The following FOXP2 variants were observed in gnomAD, a reference collection of about 807,000 sequenced individuals.
FOXP2 encodes forkhead box protein P2.
Under a neutral mutation model 115.8 loss-of-function variants are expected in FOXP2, and 12 were observed. The ratio of observed to expected loss-of-function variants is 0.10; its 90% confidence interval spans 0.07 to 0.17. The LOEUF (loss-of-function observed/expected upper bound fraction) is 0.17. FOXP2 is among the 10% of genes least tolerant of loss of function. The pLI is 1.00. For missense variants in FOXP2, 629 were observed against 843.5 expected (o/e 0.75, Z 3.15); for synonymous variants, 328 against 297.7 (o/e 1.10, Z -1.05).
intron 1 of FOXP2, among the ~76,000 whole-genome samples, chr7:114,153,127 A>T (rs1792569868): frequency 6.6e-6 from 1 of 152,168 alleles, no homozygotes; most frequent in East Asian, 1.9e-4. Context: ...TTTGTGAATT[A>T]TTGTCTTGTT....
intron 3 of FOXP2, among the ~76,000 whole-genome samples, chr7:114,592,545 A>G (rs574366235): frequency 6.6e-6 from 1 of 152,064 alleles, no homozygotes; most frequent in South Asian, 2.1e-4. Flanking sequence ...TTTTCTTTAC[A>G]GATCTATTTT....
At chr7:114,472,855 G>T (rs769603610) in intron 2 of FOXP2, among the ~76,000 whole-genome samples, 1 of 152,068 alleles carries the variant, frequency 6.6e-6, no homozygotes, top group Non-Finnish European at 1.5e-5. Flanking sequence ...GTGTGGGTAG[G>T]TGTGCATGTC....
At chr7:114,678,547 C>CTTT (rs35525759) in intron 16 of FOXP2, among the ~76,000 whole-genome samples, 2,344 of 48,194 alleles carry the variant, frequency 0.049, 556 homozygotes, top group Non-Finnish European at 0.074. Context: ...ATAAGTGACT[C>CTTT]TTTTTTTTTT....
intron 2 of FOXP2, among the ~76,000 whole-genome samples, chr7:114,489,685 C>T (rs565347031): frequency 6.6e-6 from 1 of 152,080 alleles, no homozygotes; most frequent in South Asian, 2.1e-4. Flanking sequence ...GATAATAAAC[C>T]TTCATTTCCA....
chr7:114,492,604 A>G (rs962828884), intron 2 of FOXP2, among the ~76,000 whole-genome samples: 3 of 151,936 alleles, frequency 2.0e-5, no homozygotes, highest in African/African-American at 4.8e-5. Context: ...AGATTCTGGT[A>G]TGTTGTGTCT....
chr7:114,239,859 C>A (rs950348444), intron 1 of FOXP2, among the ~76,000 whole-genome samples: 1 of 152,166 alleles, frequency 6.6e-6, no homozygotes, highest in African/African-American at 2.4e-5. Flanking sequence ...AACATGCACA[C>A]ACACACACAA....
intron 3 of FOXP2, among the ~76,000 whole-genome samples, chr7:114,569,903 A>G (rs1435823728): frequency 6.6e-6 from 1 of 151,880 alleles, no homozygotes; most frequent in Non-Finnish European, 1.5e-5. Context: ...ACTCCCTGAC[A>G]CCCTTAACAC....
chr7:114,650,918 C>T (rs1806212332), intron 8 of FOXP2, among the ~76,000 whole-genome samples: 1 of 151,996 alleles, frequency 6.6e-6, no homozygotes, highest in South Asian at 2.1e-4. Flanking sequence ...ATAGGCAAAA[C>T]AAAGGTTTCT....
chr7:114,286,291 A>G (rs932455737), intron 1 of FOXP2, among the ~76,000 whole-genome samples: 1 of 152,006 alleles, frequency 6.6e-6, no homozygotes, highest in Non-Finnish European at 1.5e-5. Context: ...AATATTTTAT[A>G]GAGTAGGTTT....
chr7:114,630,023 C>A lies in FOXP2; in HGVS notation c.597+18C>A, dbSNP rs1467360621. The A allele has an allele frequency of 6.2e-7, 1 of 1,602,668 alleles. No homozygotes were observed. The highest frequency in any genetic ancestry group is 1.4e-5 in the African/African-American group (1 of 72,960). On this transcript the variant is annotated intron_variant, in intron 5 of 16. Transcript: ENST00000350908. ...CGAAAGAGGTAGGATCCGGTTATCT[C>A]ATTGATACATAACAGTTTGCAGTTA...
intron 1 of FOXP2, among the ~76,000 whole-genome samples, chr7:114,122,405 T>G (rs1368928927): frequency 6.6e-6 from 1 of 151,888 alleles, no homozygotes; most frequent in Non-Finnish European, 1.5e-5. Flanking sequence ...TTTTCTTTTT[T>G]TTTTTTTCCT....
At chr7:114,113,936 G>A (rs1791339169) in intron 1 of FOXP2, among the ~76,000 whole-genome samples, 1 of 152,076 alleles carries the variant, frequency 6.6e-6, no homozygotes, top group Non-Finnish European at 1.5e-5. Context: ...GAAAGCAACA[G>A]GAGAGGAGAA....
upstream of FOXP2, among the ~76,000 whole-genome samples, chr7:114,087,250 C>T (rs1193734919): frequency 6.6e-6 from 1 of 152,178 alleles, no homozygotes; most frequent in South Asian, 2.1e-4. Context: ...AGGGGACACT[C>T]CTGTTTCTGG....
At chr7:114,575,236 G>T (rs2129298248) in intron 3 of FOXP2, among the ~76,000 whole-genome samples, 1 of 151,854 alleles carries the variant, frequency 6.6e-6, no homozygotes, top group African/African-American at 2.4e-5. Flanking sequence ...ACCTCATAAG[G>T]TGGTAACGGG....
At chr7:114,216,726 C>T (rs1794493783) in intron 1 of FOXP2, among the ~76,000 whole-genome samples, 1 of 151,950 alleles carries the variant, frequency 6.6e-6, no homozygotes, top group Admixed American at 6.6e-5. Flanking sequence ...AATTGCTATG[C>T]TGTTCAATTT....
chr7:114,510,493 T>C (rs1798017083), intron 2 of FOXP2, among the ~76,000 whole-genome samples: 1 of 152,208 alleles, frequency 6.6e-6, no homozygotes, highest in African/African-American at 2.4e-5. Context: ...GTTGCTTCTG[T>C]GAAAGGGCCC....
intron 16 of FOXP2, among the ~76,000 whole-genome samples, chr7:114,677,633 G>C (rs776309996): frequency 6.6e-6 from 1 of 152,104 alleles, no homozygotes; most frequent in African/African-American, 2.4e-5. Context: ...TACTTCTGCC[G>C]TTCATTAGTG....
At chr7:114,549,390 C>A (rs1480931755) in intron 3 of FOXP2, among the ~76,000 whole-genome samples, 2 of 152,082 alleles carry the variant, frequency 1.3e-5, no homozygotes, top group Admixed American at 1.3e-4. Flanking sequence ...GAATCATATC[C>A]TTGGGAATTC....
Position 114,420,697 on chromosome 7 carries a change from G to T in FOXP2, c.-11+5337G>T, listed in dbSNP as rs185671815. Among the ~76,000 whole-genome samples, 137 of 151,838 alleles carry T rather than the reference G, an allele frequency of 9.0e-4. 1 individual carries two copies. Among genetic ancestry groups the T allele is most frequent in the Non-Finnish European group, 1.4e-3 (93 of 67,836 alleles). On this transcript the variant is annotated intron_variant, in intron 1 of 16. Coordinates refer to ENST00000350908, the MANE Select transcript of FOXP2 (RefSeq NM_014491.4). ...TTAATGAAAACTCAATTTGTCAGAG[G>T]TTATAAAGTAGCAGGGTGAAATAAA...
Sources: gnomAD v4.1 joint callset for allele counts (sites outside exome capture counted in the v4.1 genomes callset) on GRCh38, gnomAD v4.1.1 for gene constraint, MANE v1.5 for transcripts, NCBI Gene and HGNC (gene_info 2026-07-23, HGNC 2026-07-21) for gene names.